The following NBPF12 variants were observed in gnomAD, a reference collection of about 807,000 sequenced individuals.
NBPF12 encodes the protein NBPF member 12, also known as NBPF family member NBPF12.
NBPF12 carries 115 observed loss-of-function variants against 146.4 expected under a neutral mutation model. The ratio of observed to expected loss-of-function variants is 0.79; its 90% CI spans 0.68 to 0.92. NBPF12 has a LOEUF of 0.92. Among genes scored for constraint, NBPF12 ranks in the 40% least tolerant of loss-of-function variants. The pLI, the probability that NBPF12 is intolerant of heterozygous loss-of-function variation, is 0.00. For missense variants in NBPF12, 1,205 were observed against 1,326.8 expected, an observed-to-expected ratio of 0.91 and a Z score of 1.43; for synonymous variants, 385 against 508.9, an observed-to-expected ratio of 0.76 and a Z score of 3.28.
chr1:146,978,542 T>C (rs1657192892), intron 18 of NBPF12, among the ~76,000 whole-genome samples: 1 of 151,526 alleles, frequency 6.6e-6, no homozygotes, highest in African/African-American at 2.4e-5. Flanking sequence ...AGATTCTTTT[T>C]AAAGCAAGAG....
chr1:146,963,737 T>A (rs1346163023), intron 6 of NBPF12, among the ~76,000 whole-genome samples: 1 of 148,048 alleles, frequency 6.8e-6, no homozygotes, highest in Non-Finnish European at 1.5e-5. Context: ...GACAAATTGT[T>A]TCTTGCAAGG....
At chr1:146,940,120 C>G (rs1337525066) in intron 1 of NBPF12, among the ~76,000 whole-genome samples, 2 of 152,000 alleles carry the variant, frequency 1.3e-5, no homozygotes, top group Non-Finnish European at 2.9e-5. Flanking sequence ...GGTTTTTAAT[C>G]TTTGTTCTGA....
At chr1:146,995,841 G>A (rs1418728020) in exon 34 of NBPF12, 19 of 149,940 alleles carry the variant, frequency 1.3e-4, no homozygotes, top group Non-Finnish European at 1.8e-4. Flanking sequence ...TTGGGAAAGC[G>A]GTTTTCAAGA....
chr1:146,948,395 A>T (rs1165899890), upstream of NBPF12, among the ~76,000 whole-genome samples: 2 of 151,788 alleles, frequency 1.3e-5, no homozygotes, highest in Non-Finnish European at 2.9e-5. Flanking sequence ...TTTGTTCTGT[A>T]CTAAGAAAAA....
exon 4 of NBPF12, chr1:146,960,173 C>G: frequency 1.5e-6 from 1 of 674,250 alleles, no homozygotes. Flanking sequence ...CTTGGTCCAG[C>G]GAGAAGGCAG....
intron 1 of NBPF12, among the ~76,000 whole-genome samples, chr1:146,950,047 T>C (rs1220872807): frequency 2.6e-5 from 4 of 152,130 alleles, no homozygotes; most frequent in Non-Finnish European, 5.9e-5. Context: ...TCTCATCACG[T>C]TAAGAGGCTT....
At position 146,964,373 on chromosome 1, in the gene NBPF12, G is replaced by C. The variant is rs1656056758; in HGVS notation, c.510G>C (p.Glu170Asp). 10 of 1,603,026 alleles carry C rather than the reference G, an allele frequency of 6.2e-6. No homozygotes were observed. In the South Asian group the frequency reaches 1.1e-4, roughly 18 times the overall value. The change falls in exon 7 of 34, where the codon GAG becomes GAC. Residue 170 changes from glutamate to aspartate, a missense_variant. Physicochemically the swap from Glu to Asp is conservative, Grantham distance 45. Coordinates refer to ENST00000617844, the Ensembl canonical transcript of NBPF12. ...TATTTATAGAAAATGATGAAGATGA[G>C]GATGAAGATGTTCAAGTTGAGGAGG...
chr1:146,938,610 G>A (rs1419361047), upstream of NBPF12: 8 of 152,038 alleles, frequency 5.3e-5, no homozygotes, highest in Non-Finnish European at 1.0e-4. Context: ...GTCCCTTTAA[G>A]GCCCAGCTGC....
At chr1:146,944,925 TGCC>T (rs1654959575), upstream of NBPF12, among the ~76,000 whole-genome samples, 2 of 86,434 alleles carry the variant, frequency 2.3e-5, no homozygotes, top group Non-Finnish European at 4.2e-5. Flanking sequence ...CCTCCCTCCC[TGCC>T]TCCCTCCCTC....
At chr1:146,980,866 A>T (rs1209337581) in intron 19 of NBPF12, among the ~76,000 whole-genome samples, 34 of 141,476 alleles carry the variant, frequency 2.4e-4, no homozygotes, top group Admixed American at 2.4e-3. Context: ...AATAGCAAAG[A>T]CTTGGAACCA....
chr1:146,955,661 ATAAC>A (rs1396490037), intron 2 of NBPF12, among the ~76,000 whole-genome samples: 9 of 148,438 alleles, frequency 6.1e-5, no homozygotes, highest in African/African-American at 1.8e-4. Flanking sequence ...CTTTTAATCT[ATAAC>A]TAAGTCTGAG....
At chr1:146,949,726 T>C (rs1655239730) in intron 1 of NBPF12, among the ~76,000 whole-genome samples, 1 of 149,630 alleles carries the variant, frequency 6.7e-6, no homozygotes, top group South Asian at 2.2e-4. Context: ...CTACAGATAA[T>C]GAAAGAGTTC....
At chr1:146,972,394 A>G (rs1194279539) in intron 13 of NBPF12, among the ~76,000 whole-genome samples, 3 of 151,152 alleles carry the variant, frequency 2.0e-5, no homozygotes, top group Non-Finnish European at 2.9e-5. Context: ...ACGCCGTCTC[A>G]AACAGAAAAC....
chr1:146,962,564 T>C (rs1379591266), intron 5 of NBPF12, among the ~76,000 whole-genome samples: 2 of 151,756 alleles, frequency 1.3e-5, no homozygotes, highest in African/African-American at 4.9e-5. Context: ...ATACTCAAAA[T>C]GGTGTGCTAT....
In NBPF12 at chr1:146,976,365, T is replaced by A. The variant is rs1311938446; in HGVS notation, c.2119+474T>A. ...AAATGTGGGAACACTTACAACTGCTTTCCAAAATGAGATGAAGCCCCTCTC... is the reference window on the plus strand; with the variant it reads ...AAATGTGGGAACACTTACAACTGCTATCCAAAATGAGATGAAGCCCCTCTC... On this transcript the variant is annotated intron_variant, in intron 16 of 33. Transcript: ENST00000617844. Among the ~76,000 whole-genome samples the A allele has an allele frequency of 4.1e-3, 573 of 138,734 alleles. 9 individuals carry two copies. Among genetic ancestry groups the A allele is most frequent in the African/African-American group, 0.015 (512 of 34,866 alleles). 91.0% of individuals were successfully genotyped at this position (138,734 alleles called of 152,430 possible). A position where few individuals can be genotyped will look rare whatever the true frequency, so the allele number is the denominator to read the frequency against.
At chr1:146,950,885 C>T (rs1423349379) in intron 1 of NBPF12, among the ~76,000 whole-genome samples, 1 of 152,058 alleles carries the variant, frequency 6.6e-6, no homozygotes, top group African/African-American at 2.4e-5. Context: ...TTGTATATAT[C>T]ATTTTCTGCA....
At chr1:146,976,723 C>A in intron 16 of NBPF12, among the ~76,000 whole-genome samples, 1 of 151,502 alleles carries the variant, frequency 6.6e-6, no homozygotes. Context: ...TTGGCCACAT[C>A]TTGATGGTGG....
chr1:146,944,767 C>T (rs1261424801), upstream of NBPF12, among the ~76,000 whole-genome samples: 1 of 151,684 alleles, frequency 6.6e-6, no homozygotes, highest in Non-Finnish European at 1.5e-5. Context: ...ATGTTCTCAT[C>T]TTCATGTAAA....
intron 31 of NBPF12, among the ~76,000 whole-genome samples, chr1:146,992,463 T>TCTCTCA (rs1491550241): frequency 5.5e-5 from 2 of 36,202 alleles, no homozygotes; most frequent in African/African-American, 2.8e-4. Flanking sequence ...TCTCTCTCTC[T>TCTCTCA]GTGTGTGTGT....
Sources: gnomAD v4.1 joint callset for allele counts (sites outside exome capture counted in the v4.1 genomes callset) on GRCh38, gnomAD v4.1.1 for gene constraint, MANE v1.5 for transcripts, NCBI Gene and HGNC (gene_info 2026-07-23, HGNC 2026-07-21) for gene names.